SH3GL3: variants seen among roughly 807,000 people sequenced by gnomAD.
The protein encoded by SH3GL3 is SH3 domain containing GRB2 like 3, endophilin A3.
SH3GL3 carries 33 observed loss-of-function variants against 47.7 expected under a neutral mutation model. The ratio of observed to expected loss-of-function variants is 0.69; its 90% CI spans 0.52 to 0.92. The LOEUF is 0.92. SH3GL3 is among the 40% of genes least tolerant of loss of function. The pLI is 0.00. For synonymous variants in SH3GL3, 155 were observed against 148.8 expected (o/e 1.04, Z -0.30); for missense variants, 363 against 417.8 (o/e 0.87, Z 1.14).
intron 8 of SH3GL3, among the ~76,000 whole-genome samples, chr15:83,616,943 T>C (rs1373817913): frequency 6.6e-6 from 1 of 152,146 alleles, no homozygotes; most frequent in Non-Finnish European, 1.5e-5. Context: ...AGCTAGTCAG[T>C]AACTAAAATT....
At chr15:83,469,829 T>C (rs2040748566) in intron 1 of SH3GL3, among the ~76,000 whole-genome samples, 1 of 152,188 alleles carries the variant, frequency 6.6e-6, no homozygotes, top group South Asian at 2.1e-4. Flanking sequence ...AAATATTGAT[T>C]AGCTCTTTTT....
chr15:83,551,114 G>A (rs544649741), intron 1 of SH3GL3, among the ~76,000 whole-genome samples: 150 of 152,212 alleles, frequency 9.9e-4, no homozygotes, highest in Non-Finnish European at 1.7e-3. Context: ...AAAGCTTCAC[G>A]TTTCCCAAAT....
the SH3GL3 span, among the ~76,000 whole-genome samples, chr15:83,633,782 A>T: frequency 3.3e-5 from 5 of 151,860 alleles, no homozygotes; most frequent in Non-Finnish European, 7.4e-5. Context: ...TCTCCCCCTA[A>T]CCTAGCTTTG....
In SH3GL3 at chr15:83,514,809, T is replaced by C. The variant is rs139723449; in HGVS notation, c.46-44444T>C. ...AGTGGGTTCCTCTTATTCGCAGCTG[T>C]CATAGGTCAGACTTCTGCTTGTTGG... On this transcript the variant is annotated intron_variant, in intron 1 of 8. Transcript: ENST00000427482. 7.0e-3 allele frequency among the ~76,000 whole-genome samples: 1,070 copies of C among 152,240 alleles called. 19 individuals are homozygous for C. Among genetic ancestry groups the C allele is most frequent in the African/African-American group, 0.024 (993 of 41,526 alleles).
At chr15:83,531,580 T>C (rs149945411) in intron 1 of SH3GL3, among the ~76,000 whole-genome samples, 2 of 152,302 alleles carry the variant, frequency 1.3e-5, no homozygotes, top group Non-Finnish European at 2.9e-5. Flanking sequence ...GTGTTGAGTA[T>C]GGATTTTATT....
At chr15:83,625,731 G>A in the SH3GL3 span, among the ~76,000 whole-genome samples, 9 of 151,724 alleles carry the variant, frequency 5.9e-5, no homozygotes, top group Admixed American at 1.3e-4. Flanking sequence ...TTAGGTATAC[G>A]TAATGACTAA....
intron 1 of SH3GL3, among the ~76,000 whole-genome samples, chr15:83,549,681 A>G (rs1271437482): frequency 6.6e-6 from 1 of 152,190 alleles, no homozygotes; most frequent in African/African-American, 2.4e-5. Context: ...GGAAATGTCA[A>G]AAGCCTCAAG....
chr15:83,565,436 G>C, intron 3 of SH3GL3: 1 of 472,486 alleles, frequency 2.1e-6, no homozygotes, highest in Non-Finnish European at 3.8e-6. Context: ...CGAATGGAGT[G>C]CTGGTCATAG....
chr15:83,597,977 CTACTT>C (rs777354868), intron 8 of SH3GL3, among the ~76,000 whole-genome samples: 77 of 152,194 alleles, frequency 5.1e-4, no homozygotes, highest in Non-Finnish European at 7.9e-4. Flanking sequence ...GATCTGGAGT[CTACTT>C]TATGAAGTTG....
chr15:83,539,002 A>C (rs2044039865), intron 1 of SH3GL3, among the ~76,000 whole-genome samples: 1 of 152,190 alleles, frequency 6.6e-6, no homozygotes, highest in Non-Finnish European at 1.5e-5. Flanking sequence ...CAGTTGCACC[A>C]TTAATCCTTG....
At chr15:83,461,482 A>C (rs1196647454) in intron 1 of SH3GL3, among the ~76,000 whole-genome samples, 1 of 152,146 alleles carries the variant, frequency 6.6e-6, no homozygotes, top group Admixed American at 6.5e-5. Flanking sequence ...AGATTTAAGG[A>C]AACTTTTTTC....
intron 1 of SH3GL3, among the ~76,000 whole-genome samples, chr15:83,525,156 T>A (rs1489056238): frequency 6.6e-6 from 1 of 152,112 alleles, no homozygotes; most frequent in Non-Finnish European, 1.5e-5. Flanking sequence ...TTTTTCATGT[T>A]ATTAGCGTCT....
intron 1 of SH3GL3, among the ~76,000 whole-genome samples, chr15:83,525,100 G>T (rs2043358361): frequency 1.3e-5 from 2 of 151,908 alleles, no homozygotes; most frequent in Admixed American, 1.3e-4. Flanking sequence ...TTCCATAATG[G>T]CTGTATTAAT....
intron 1 of SH3GL3, among the ~76,000 whole-genome samples, chr15:83,494,060 G>A (rs1490964265): frequency 1.3e-5 from 2 of 152,244 alleles, no homozygotes; most frequent in African/African-American, 4.8e-5. Flanking sequence ...TAGGGCATTA[G>A]CCAAATGGCC....
In SH3GL3 at chr15:83,510,691, T is replaced by C. The variant is rs527419847; in HGVS notation, c.46-48562T>C. Among the ~76,000 whole-genome samples the C allele has an allele frequency of 2.5e-4, 38 of 152,106 alleles. No individual in the cohort carries two copies. The South Asian group carries it at 7.5e-3, about 30-fold the overall frequency. On this transcript the variant is annotated intron_variant, in intron 1 of 8. Coordinates refer to ENST00000427482, the MANE Select transcript of SH3GL3 (RefSeq NM_003027.5). Reference sequence around the variant, plus strand: ...GGAAAAGTCAAAGCTTGTAGAGGCATGTGTGAGTGTATTTATGTGTCAATA... The same window carrying C: ...GGAAAAGTCAAAGCTTGTAGAGGCACGTGTGAGTGTATTTATGTGTCAATA...
rs867342050 is a variant in SH3GL3, at chr15:83,600,088, A to G, written c.838+11317A>G. On this transcript the variant is annotated intron_variant, in intron 8 of 8. Coordinates refer to ENST00000427482, the MANE Select transcript of SH3GL3 (RefSeq NM_003027.5). ...TTTGAGTTCCTTGTAGATTCTGGAT[A>G]TTAGTCCTTTGTCAGATGTATAGAT... Among the ~76,000 whole-genome samples the G allele has an allele frequency of 1.1e-4, 16 of 152,090 alleles. No individual in the cohort carries two copies. The South Asian group carries it at 2.7e-3, about 26-fold the overall frequency.
the SH3GL3 span, among the ~76,000 whole-genome samples, chr15:83,630,148 C>T: frequency 1.6e-4 from 24 of 152,280 alleles, no homozygotes; most frequent in East Asian, 3.5e-3. Context: ...TGCGTTCCGC[C>T]GTGATTGTGA....
chr15:83,564,668 T>C (rs573537404), intron 2 of SH3GL3, among the ~76,000 whole-genome samples: 1 of 152,276 alleles, frequency 6.6e-6, no homozygotes, highest in Non-Finnish European at 1.5e-5. Context: ...TGTATTATAA[T>C]ATAATACTAA....
chr15:83,494,585 C>T (rs1247170352), intron 1 of SH3GL3, among the ~76,000 whole-genome samples: 45 of 151,294 alleles, frequency 3.0e-4, no homozygotes, highest in Non-Finnish European at 1.9e-4. Context: ...CTCTGTCACC[C>T]AGGCTGGAGT....
Sources: gnomAD v4.1 joint callset for allele counts (sites outside exome capture counted in the v4.1 genomes callset) on GRCh38, gnomAD v4.1.1 for gene constraint, MANE v1.5 for transcripts, NCBI Gene and HGNC (gene_info 2026-07-23, HGNC 2026-07-21) for gene names.